LATS2: variants seen among roughly 807,000 people sequenced by gnomAD.
LATS2 encodes the protein large tumor suppressor kinase 2.
Under a neutral mutation model 76.0 loss-of-function variants are expected in LATS2, and 24 were observed. The ratio of observed to expected loss-of-function variants is 0.32; its 90% CI spans 0.23 to 0.44. The LOEUF (loss-of-function observed/expected upper bound fraction) is 0.44. LATS2 is among the 20% of genes least tolerant of loss of function. LATS2 has a pLI of 1.00. For synonymous variants in LATS2, 692 were observed against 635.4 expected (o/e 1.09, Z -1.34); for missense variants, 1,286 against 1,481.2 (o/e 0.87, Z 2.16).
intron 4 of LATS2, 97 bp downstream of exon 4, chr13:20,987,784 G>C (rs1477828241): frequency 7.3e-7 from 1 of 1,378,878 alleles, no homozygotes; most frequent in Non-Finnish European, 1.0e-6. Context: ...GATGATAAGG[G>C]GTATACAGTC....
At chr13:21,052,615 G>A (rs1415442658) in intron 1 of LATS2, among the ~76,000 whole-genome samples, 1 of 152,140 alleles carries the variant, frequency 6.6e-6, no homozygotes, top group Non-Finnish European at 1.5e-5. Flanking sequence ...GCCTCCCAAA[G>A]AGCTGGGATA....
intron 2 of LATS2, among the ~76,000 whole-genome samples, chr13:20,992,019 T>C (rs571809268): frequency 6.6e-6 from 1 of 152,118 alleles, no homozygotes; most frequent in Non-Finnish European, 1.5e-5. Context: ...CTCAAACTGC[T>C]TGTGGGAAGA....
intron 3 of LATS2, among the ~76,000 whole-genome samples, chr13:20,989,727 T>C (rs147587032): frequency 1.3e-5 from 2 of 152,230 alleles, no homozygotes; most frequent in African/African-American, 4.8e-5. Context: ...CCCAAAGCGC[T>C]GCTCCCTCAC....
In LATS2 at chr13:20,986,088, CA is replaced by C. The variant is rs1157595623; in HGVS notation, c.1899+1792del. Among the ~76,000 whole-genome samples, 18 of 152,114 alleles carry C rather than the reference CA, an allele frequency of 1.2e-4. No homozygotes were observed. The East Asian group carries it at 3.3e-3, about 28-fold the overall frequency. ...GCTAATGACCTGAATAGACACTTGT[CA>C]AAAGAAGATACACAAATGGCTAAGA... On this transcript the variant is annotated intron_variant, in intron 4 of 7. Transcript: ENST00000382592.
In LATS2 at chr13:20,981,461, T is replaced by C. The variant is rs56244446; in HGVS notation, c.2665+5A>G. The C allele has an allele frequency of 1.4e-3, 2,308 of 1,612,078 alleles. 28 individuals are homozygous for C. In the Admixed American group the frequency reaches 0.021, roughly 15 times the overall value. On this transcript the variant is annotated splice_donor_5th_base_variant and intron_variant, in intron 6 of 7. Transcript: ENST00000382592. ...CTGCGGGGTGGCTGGCCATGGCGCATGTACCTTTGCGGAGGAGCACCTCGG... is the reference window on the plus strand; with the variant it reads ...CTGCGGGGTGGCTGGCCATGGCGCACGTACCTTTGCGGAGGAGCACCTCGG...
chr13:20,990,934 T>C (rs1448813259), intron 3 of LATS2, among the ~76,000 whole-genome samples: 1 of 152,234 alleles, frequency 6.6e-6, no homozygotes, highest in Non-Finnish European at 1.5e-5. Flanking sequence ...CAAGAGAAAG[T>C]GAAAAGACCA....
chr13:21,039,100 G>C (rs1352627542), intron 2 of LATS2, among the ~76,000 whole-genome samples: 1 of 152,092 alleles, frequency 6.6e-6, no homozygotes, highest in Non-Finnish European at 1.5e-5. Context: ...AAAGGTATGT[G>C]GTGTGCCTTC....
At chr13:21,036,312 G>A (rs1872681813) in intron 2 of LATS2, among the ~76,000 whole-genome samples, 1 of 152,102 alleles carries the variant, frequency 6.6e-6, no homozygotes, top group Admixed American at 6.5e-5. Context: ...GATTACAGGT[G>A]TGAGCCACTG....
At chr13:21,017,179 C>T (rs1156800253) in intron 2 of LATS2, among the ~76,000 whole-genome samples, 1 of 152,152 alleles carries the variant, frequency 6.6e-6, no homozygotes, top group South Asian at 2.1e-4. Context: ...TGAAATAAAA[C>T]GGACGATAGC....
chr13:21,030,293 A>T (rs1872469041), intron 2 of LATS2, among the ~76,000 whole-genome samples: 1 of 151,818 alleles, frequency 6.6e-6, no homozygotes, highest in African/African-American at 2.4e-5. Flanking sequence ...GTTACACTAG[A>T]AAAGGAACTC....
intron 2 of LATS2, among the ~76,000 whole-genome samples, chr13:21,003,331 G>A (rs1299838687): frequency 6.6e-6 from 1 of 152,018 alleles, no homozygotes; most frequent in Non-Finnish European, 1.5e-5. Context: ...TCTGGTCACT[G>A]CAAACCCTGC....
intron 2 of LATS2, among the ~76,000 whole-genome samples, chr13:20,997,956 C>T (rs1370935271): frequency 2.0e-5 from 3 of 152,206 alleles, no homozygotes; most frequent in Non-Finnish European, 4.4e-5. Flanking sequence ...AAACCATATC[C>T]TAAAGTTTTA....
At chr13:21,048,162 A>G (rs922389765) in intron 1 of LATS2, among the ~76,000 whole-genome samples, 3 of 152,204 alleles carry the variant, frequency 2.0e-5, no homozygotes, top group African/African-American at 7.2e-5. Flanking sequence ...TTGTGCTCTA[A>G]GCATCTGTTT....
intron 1 of LATS2, among the ~76,000 whole-genome samples, chr13:21,055,622 T>G (rs1287266575): frequency 6.6e-6 from 1 of 152,180 alleles, no homozygotes; most frequent in Non-Finnish European, 1.5e-5. Flanking sequence ...TCAAGAATTT[T>G]TATTCTAATT....
At chr13:20,980,071 A>T (rs1869803359) in intron 6 of LATS2, among the ~76,000 whole-genome samples, 1 of 152,234 alleles carries the variant, frequency 6.6e-6, no homozygotes, top group African/African-American at 2.4e-5. Context: ...GTTAGCAAAT[A>T]GTTACTAGCC....
chr13:21,015,338 A>C (rs1486857662), intron 2 of LATS2, among the ~76,000 whole-genome samples: 1 of 152,176 alleles, frequency 6.6e-6, no homozygotes, highest in Admixed American at 6.5e-5. Flanking sequence ...AAGAAGGCTC[A>C]CACTGCAGAC....
chr13:21,003,286 G>A (rs1299668421), intron 2 of LATS2, among the ~76,000 whole-genome samples: 2 of 151,668 alleles, frequency 1.3e-5, no homozygotes, highest in Admixed American at 6.6e-5. Context: ...TTGCTCTATC[G>A]CTCAGAGTTC....
At chr13:21,007,710 A>C (rs1871391126) in intron 2 of LATS2, among the ~76,000 whole-genome samples, 1 of 15,512 alleles carries the variant, frequency 6.4e-5, no homozygotes, top group African/African-American at 4.0e-4. Flanking sequence ...GTATGTATAT[A>C]TATATATATA....
At chr13:21,046,952 G>A (rs1449610478) in intron 1 of LATS2, among the ~76,000 whole-genome samples, 2 of 152,122 alleles carry the variant, frequency 1.3e-5, no homozygotes, top group African/African-American at 4.8e-5. Context: ...GAAGGGGACT[G>A]GTAACAGCAT....
Sources: allele counts gnomAD v4.1 joint callset (sites outside exome capture counted in the v4.1 genomes callset), GRCh38; gene constraint gnomAD v4.1.1; transcripts MANE v1.5; gene names NCBI Gene and HGNC (gene_info 2026-07-23, HGNC 2026-07-21).